Variants in SRXN1 observed in about 807,000 individuals in gnomAD.
The protein encoded by SRXN1 is sulfiredoxin 1, also known as sulfiredoxin-1.
SRXN1 carries 11 observed loss-of-function variants against 11.0 expected under a neutral mutation model. That is an observed-to-expected ratio of 1.00 (90% CI 0.63 to 1.65). The LOEUF is 1.65. Ranked by LOEUF, SRXN1 falls within the 40% of genes most tolerant of loss-of-function variation. SRXN1 has a pLI of 0.00. For missense variants in SRXN1, 211 were observed against 194.5 expected (o/e 1.08, Z -0.50); for synonymous variants, 106 against 92.8 (o/e 1.14, Z -0.82).
chr20:649,983 T>C (rs6053685), intron 1 of SRXN1, among the ~76,000 whole-genome samples: 25,125 of 152,158 alleles, frequency 0.17, 2,191 homozygotes, highest in Non-Finnish European at 0.18. Context: ...GAACGTTCCA[T>C]GCAAAGGGAA....
At chr20:652,901 A>AGCGACCTCCCTCCTCCG (rs1983709905) in intron 1 of SRXN1, 75 bp downstream of exon 1, 19 of 1,305,862 alleles carry the variant, frequency 1.5e-5, no homozygotes, top group Middle Eastern at 2.0e-4. Flanking sequence ...CGTCCATCGC[A>AGCGACCTCCCTCCTCCG]GCGACCTCCC....
chr20:648,662 C>T lies in SRXN1; in HGVS notation c.*52G>A. ...TCTGCATGGCCCAGCCTGCTGGAGG[C>T]CAGGTGTGTCTTCTGGGCTCTTGAA... On this transcript the variant is annotated 3_prime_UTR_variant, in exon 2 of 2. Transcript: ENST00000381962. The T allele has an allele frequency of 6.3e-7, 1 of 1,599,150 alleles. No individual in the cohort carries two copies. Among genetic ancestry groups the T allele is most frequent in the Non-Finnish European group, 8.6e-7 (1 of 1,167,494 alleles).
At chr20:649,537 A>G (rs1176651505) in intron 1 of SRXN1, among the ~76,000 whole-genome samples, 1 of 152,152 alleles carries the variant, frequency 6.6e-6, no homozygotes. Flanking sequence ...CCCTGTCTCT[A>G]CTAAAAATAC....
rs1266455729 is a variant in SRXN1, at chr20:653,133, G to GC, written c.52dup (p.Ala18GlyfsTer74). 12 of 1,312,358 alleles carry GC rather than the reference G, an allele frequency of 9.1e-6. No homozygotes were observed. Among genetic ancestry groups the GC allele is most frequent in the Non-Finnish European group, 1.1e-5 (11 of 1,036,314 alleles). The allele number at this position is 1,312,358 out of a possible 1,614,324, so 81.3% of individuals were successfully genotyped here. On this transcript the variant is annotated frameshift_variant, in exon 1 of 2. Transcript: ENST00000381962. LOFTEE classifies it high-confidence loss of function. ...GCCGCTCGGCCCGGGCCCCTCGGGC[G>GC]CCCCCCGACCCGCGCCGGCCCTGCC...
chr20:653,175 C>G lies in SRXN1; in HGVS notation c.11G>C (p.Arg4Pro). 1 of 1,256,004 alleles carries G rather than the reference C, an allele frequency of 8.0e-7. No individual in the cohort carries two copies. The highest frequency in any genetic ancestry group is 1.0e-6 in the Non-Finnish European group (1 of 1,002,166). 77.8% of individuals were successfully genotyped at this position (1,256,004 alleles called of 1,614,324 possible). A position where few individuals can be genotyped will look rare whatever the true frequency, so the allele number is the denominator to read the frequency against. Residue 4 changes from arginine (R) to proline (P), a missense_variant, in exon 1 of 2, where the codon CGT (arginine) becomes CCT (proline). Arg to Pro is a moderately radical substitution (Grantham distance 103). Coordinates refer to ENST00000381962, the MANE Select transcript of SRXN1 (RefSeq NM_080725.3). ...GGCCCTGCCCAGCGTTCCTCCTGCA[C>G]GCAGCCCCATCGTCGCCGCCGCCGC... MGLRAGGTLGRAGA... is the reference protein window; with the variant it reads MGLPAGGTLGRAGA...
chr20:649,554 T>C (rs1983620969), intron 1 of SRXN1, among the ~76,000 whole-genome samples: 1 of 151,956 alleles, frequency 6.6e-6, no homozygotes, highest in Non-Finnish European at 1.5e-5. Context: ...ATACAAAAAT[T>C]AGCTGGGCAT....
intron 1 of SRXN1, among the ~76,000 whole-genome samples, chr20:651,645 C>T (rs1402999159): frequency 2.0e-5 from 3 of 150,610 alleles, no homozygotes; most frequent in Non-Finnish European, 4.4e-5. Context: ...GATCGTGCCA[C>T]TGCACTCCAG....
chr20:651,639 G>T (rs986199891), intron 1 of SRXN1, among the ~76,000 whole-genome samples: 3 of 151,268 alleles, frequency 2.0e-5, no homozygotes, highest in Admixed American at 6.6e-5. Context: ...AGCCAAGATC[G>T]TGCCACTGCA....
At chr20:649,588 G>C (rs1043064364) in intron 1 of SRXN1, among the ~76,000 whole-genome samples, 6 of 152,026 alleles carry the variant, frequency 3.9e-5, no homozygotes, top group Non-Finnish European at 7.4e-5. Context: ...TGTAATCACA[G>C]TTACTCAGGA....
Position 653,029 on chromosome 20 carries a change from G to T in SRXN1, c.157C>A (p.Leu53Met). The T allele has an allele frequency of 6.4e-7, 1 of 1,571,808 alleles. No homozygotes were observed. ...NVPLSVLIRPLPSVLDPAKVQ... is the reference protein window; with the variant it reads ...NVPLSVLIRPMPSVLDPAKVQ... ...TTGGCGGGGTCCAACACGGACGGCA[G>T]CGGCCGGATGAGCACGCTCAGCGGC... is the stretch of plus-strand genomic sequence containing the variant. Residue 53 changes from leucine (L) to methionine (M), a missense_variant, in exon 1 of 2, where the codon CTG becomes ATG. Leu to Met is a conservative substitution (Grantham distance 15). Transcript: ENST00000381962.
rs1983596947 is a variant in SRXN1, at chr20:648,675, C to T, written c.*39G>A. The T allele has an allele frequency of 6.2e-7, 1 of 1,610,998 alleles. No individual in the cohort carries two copies. The highest frequency in any genetic ancestry group is 1.7e-5 in the Admixed American group (1 of 59,972). On this transcript the variant is annotated 3_prime_UTR_variant, in exon 2 of 2. Coordinates refer to ENST00000381962, the MANE Select transcript of SRXN1 (RefSeq NM_080725.3). ...GCCTGCTGGAGGCCAGGTGTGTCTT[C>T]TGGGCTCTTGAAGGTGGCAGCAGGT...
chr20:647,778 A>C lies in SRXN1; in HGVS notation c.*936T>G, dbSNP rs962065650. 1 of 342,194 alleles carries C rather than the reference A, an allele frequency of 2.9e-6. No individual in the cohort carries two copies. The highest frequency in any genetic ancestry group is 5.7e-6 in the Non-Finnish European group (1 of 174,980). 21.2% of individuals were successfully genotyped at this position (342,194 alleles called of 1,614,324 possible). ...ATTGCCAACCCATAGGATTGTGGGA[A>C]AATACAGGGTTTGTTTCTAGCTGCC... On this transcript the variant is annotated 3_prime_UTR_variant, in exon 2 of 2. Transcript: ENST00000381962.
rs768265034 is a variant in SRXN1 at position 653,065 on chromosome 20, C to G, written c.121G>C (p.Val41Leu). Reference sequence around the variant, plus strand: ...AGCACGCTCAGCGGCACGTTGTGCACCGCGGCGATGCGGCCCGAGTGGATG... The same window carrying G: ...AGCACGCTCAGCGGCACGTTGTGCAGCGCGGCGATGCGGCCCGAGTGGATG... Reference protein sequence around the residue: ...GSIHSGRIAAVHNVPLSVLIR... With the variant: ...GSIHSGRIAALHNVPLSVLIR... The change falls in exon 1 of 2, where the codon GTG (valine) becomes CTG (leucine). Residue 41 changes from valine to leucine, a missense_variant. Physicochemically the swap from Val to Leu is conservative, Grantham distance 32. Coordinates refer to ENST00000381962, the MANE Select transcript of SRXN1 (RefSeq NM_080725.3). 1 of 1,531,420 alleles carries G rather than the reference C, an allele frequency of 6.5e-7. No individual in the cohort carries two copies. The highest frequency in any genetic ancestry group is 1.9e-5 in the Admixed American group (1 of 51,870). 94.9% of individuals were successfully genotyped at this position (1,531,420 alleles called of 1,614,324 possible).
intron 1 of SRXN1, 95 bp from the exon 2 acceptor site, chr20:649,012 T>G: frequency 5.4e-6 from 7 of 1,294,024 alleles, no homozygotes; most frequent in Middle Eastern, 1.9e-4. Flanking sequence ...CCTTATAAGG[T>G]GATCACACTG....
chr20:653,083 A>G lies in SRXN1; in HGVS notation c.103T>C (p.Ser35Pro). The change falls in exon 1 of 2, where the codon TCG becomes CCG. Residue 35 changes from serine (S) to proline (P), a missense_variant. Transcript: ENST00000381962. ...SGGAQGGSIHSGRIAAVHNVP... is the reference protein window; with the variant it reads ...SGGAQGGSIHPGRIAAVHNVP... ...TTGTGCACCGCGGCGATGCGGCCCG[A>G]GTGGATGCTGCCGCCCTGCGCGCCG... 1.3e-6 allele frequency: 2 copies of G among 1,492,328 alleles called. No homozygotes were observed. The highest frequency in any genetic ancestry group is 2.1e-5 in the Admixed American group (1 of 46,668). 92.4% of individuals were successfully genotyped at this position (1,492,328 alleles called of 1,614,324 possible). A position where few individuals can be genotyped will look rare whatever the true frequency, so the allele number is the denominator to read the frequency against.
rs974961157 is a variant in SRXN1 at position 653,145 on chromosome 20, G to T, written c.41C>A (p.Ala14Glu). The change falls in exon 1 of 2, where the codon GCG becomes GAG. Residue 14 changes from alanine (A) to glutamate (E), a missense_variant. Ala to Glu is a moderately radical substitution (Grantham distance 107). Coordinates refer to ENST00000381962, the MANE Select transcript of SRXN1 (RefSeq NM_080725.3). ...GGGCCCCTCGGGCGCCCCCCGACCC[G>T]CGCCGGCCCTGCCCAGCGTTCCTCC... ...RAGGTLGRAG[A>E]GRGAPEGPGP... 2.3e-6 allele frequency: 3 copies of T among 1,276,692 alleles called. No homozygotes were observed. The highest frequency in any genetic ancestry group is 3.1e-5 in the African/African-American group (2 of 63,590). The allele number at this position is 1,276,692 out of a possible 1,614,324, so 79.1% of individuals were successfully genotyped here.
intron 1 of SRXN1, among the ~76,000 whole-genome samples, chr20:651,606 C>T (rs1407161631): frequency 2.6e-5 from 4 of 151,994 alleles, no homozygotes; most frequent in African/African-American, 4.8e-5. Context: ...ATGGCTTGAA[C>T]CCGGGAGGCG....
chr20:652,917 C>T, intron 1 of SRXN1, 59 bp downstream of exon 1: 3 of 941,342 alleles, frequency 3.2e-6, no homozygotes, highest in Non-Finnish European at 2.6e-6. Context: ...CTCCCTCCTC[C>T]GGCAACCTCC....
chr20:648,864 C>T lies in SRXN1; in HGVS notation c.264G>A (p.Gln88=). ...CAAAGGAGTAGAAGTAGTCACCTCC[C>T]TGGGCCCCTTTGATCCAGAGGACAT... The part of the protein sequence containing the change: ...PIDVLWIKGA[Q]GGDYFYSFGG... Residue 88 remains glutamine (Q), a synonymous_variant, in exon 2 of 2, where the codon CAG becomes CAA. Transcript: ENST00000381962. 1 of 1,614,206 alleles carries T rather than the reference C, an allele frequency of 6.2e-7. No homozygotes were observed. The highest frequency in any genetic ancestry group is 8.5e-7 in the Non-Finnish European group (1 of 1,180,042).
Sources: allele counts gnomAD v4.1 joint callset (sites outside exome capture counted in the v4.1 genomes callset), GRCh38; gene constraint gnomAD v4.1.1; transcripts MANE v1.5; gene names NCBI Gene and HGNC (gene_info 2026-07-23, HGNC 2026-07-21).